The following KPNA1 variants were observed in gnomAD, a reference collection of about 807,000 sequenced individuals.
KPNA1 encodes the protein importin subunit alpha-5.
In KPNA1, 10 loss-of-function variants were observed where a neutral mutation model predicts 70.5. The ratio of observed to expected loss-of-function variants is 0.14; its 90% CI spans 0.09 to 0.24. The LOEUF is 0.24. Among genes scored for constraint, KPNA1 ranks in the 10% least tolerant of loss-of-function variants. The pLI, the probability that KPNA1 is intolerant of heterozygous loss-of-function variation, is 1.00. For synonymous variants in KPNA1, 192 were observed against 221.9 expected, an observed-to-expected ratio of 0.87 and a Z score of 1.20; for missense variants, 397 against 637.9, an observed-to-expected ratio of 0.62 and a Z score of 4.07.
chr3:122,423,957 TGAAA>T lies in KPNA1; in HGVS notation c.*3024_*3027del, dbSNP rs2107709570. 6.6e-6 allele frequency: 1 copy of T among 152,304 alleles called. No individual in the cohort carries two copies. The highest frequency in any genetic ancestry group is 2.4e-5 in the African/African-American group (1 of 41,580). 9.4% of individuals were successfully genotyped at this position (152,304 alleles called of 1,614,324 possible). On this transcript the variant is annotated 3_prime_UTR_variant, in exon 14 of 14. Transcript: ENST00000344337. Reference sequence around the variant, plus strand: ...TCTTGATCAATTAGTTACAGGAACATGAAAGAAAGTGTTCCACAGAGAACTGTGT... The same window carrying T: ...TCTTGATCAATTAGTTACAGGAACATGAAAGTGTTCCACAGAGAACTGTGT...
At chr3:122,452,549 G>A (rs2076215412) in intron 6 of KPNA1, among the ~76,000 whole-genome samples, 4 of 20,112 alleles carry the variant, frequency 2.0e-4, no homozygotes, top group East Asian at 2.0e-3. Flanking sequence ...AGGGAAGGAG[G>A]GAGGGAGGGA....
intron 1 of KPNA1, among the ~76,000 whole-genome samples, chr3:122,510,814 A>G (rs868307536): frequency 6.6e-6 from 1 of 152,222 alleles, no homozygotes; most frequent in Non-Finnish European, 1.5e-5. Flanking sequence ...TGGGACAGGG[A>G]ACAGCTGCTT....
At chr3:122,485,191 G>A (rs1425297202) in intron 2 of KPNA1, among the ~76,000 whole-genome samples, 1 of 152,096 alleles carries the variant, frequency 6.6e-6, no homozygotes, top group African/African-American at 2.4e-5. Flanking sequence ...TGAGATTACA[G>A]GCATGAGTCA....
chr3:122,476,865 A>AAAAAAAAAAAAAC (rs2076504748), intron 2 of KPNA1, among the ~76,000 whole-genome samples: 1 of 147,794 alleles, frequency 6.8e-6, no homozygotes, highest in East Asian at 2.0e-4. Context: ...GTTCCACAAA[A>AAAAAAAAAAAAAC]AAAAAAAAAA....
intron 12 of KPNA1, among the ~76,000 whole-genome samples, chr3:122,431,340 A>AGAGGCAAGGTTTCTCCAT (rs2075904065): frequency 6.6e-6 from 1 of 152,018 alleles, no homozygotes; most frequent in Non-Finnish European, 1.5e-5. Context: ...TAATTTTTGT[A>AGAGGCAAGGTTTCTCCAT]GAGACAAGGT....
At chr3:122,444,648 A>G (rs1240455472) in intron 9 of KPNA1, among the ~76,000 whole-genome samples, 1 of 152,142 alleles carries the variant, frequency 6.6e-6, no homozygotes, top group Non-Finnish European at 1.5e-5. Flanking sequence ...GACACCTCAT[A>G]CAGGCGGGTG....
intron 8 of KPNA1, among the ~76,000 whole-genome samples, chr3:122,450,376 G>A (rs1232007591): frequency 6.6e-6 from 1 of 152,200 alleles, no homozygotes; most frequent in African/African-American, 2.4e-5. Context: ...GAGGTCTGGA[G>A]TTCAAGACCA....
At chr3:122,480,547 T>C (rs1176411745) in intron 2 of KPNA1, among the ~76,000 whole-genome samples, 1 of 151,186 alleles carries the variant, frequency 6.6e-6, no homozygotes, top group Admixed American at 6.6e-5. Context: ...TATAAGAAAA[T>C]GTTAAAGGAT....
At chr3:122,493,787 C>T (rs932921257) in intron 2 of KPNA1, among the ~76,000 whole-genome samples, 7 of 152,138 alleles carry the variant, frequency 4.6e-5, no homozygotes, top group African/African-American at 1.7e-4. Flanking sequence ...ATTTCACCAT[C>T]TTGGCCAGGC....
intron 1 of KPNA1, among the ~76,000 whole-genome samples, chr3:122,514,125 T>C (rs1041334617): frequency 1.5e-4 from 23 of 152,176 alleles, no homozygotes; most frequent in African/African-American, 5.3e-4. Flanking sequence ...CAGACCAAGT[T>C]CTGTCATTGC....
At chr3:122,456,314 C>T (rs1273080514) in intron 5 of KPNA1, among the ~76,000 whole-genome samples, 1 of 152,038 alleles carries the variant, frequency 6.6e-6, no homozygotes, top group Non-Finnish European at 1.5e-5. Context: ...AAACAGTCAT[C>T]AGATACTGCA....
chr3:122,463,347 CAAA>C (rs10575172), intron 4 of KPNA1, among the ~76,000 whole-genome samples: 172 of 135,998 alleles, frequency 1.3e-3, no homozygotes, highest in Admixed American at 1.6e-3. Flanking sequence ...GACTCCATCT[CAAA>C]AAAAAAAAAA....
At position 122,496,525 on chromosome 3, in the gene KPNA1, T is replaced by C; in HGVS notation, c.41A>G (p.Tyr14Cys). 1 of 1,614,030 alleles carries C rather than the reference T, an allele frequency of 6.2e-7. No homozygotes were observed. The highest frequency in any genetic ancestry group is 8.5e-7 in the Non-Finnish European group (1 of 1,179,858). The change falls in exon 2 of 14, where the codon TAC (tyrosine) becomes TGC (cysteine). Residue 14 changes from tyrosine (Y) to cysteine (C), a missense_variant. Coordinates refer to ENST00000344337, the MANE Select transcript of KPNA1 (RefSeq NM_002264.4). ...PGKENFRLKS[Y>C]KNKSLNPDEM... ...ATCGGGATTCAGAGATTTGTTCTTGTAACTTTTCAGGCGAAAGTTCTCTTT... is the reference window on the plus strand; with the variant it reads ...ATCGGGATTCAGAGATTTGTTCTTGCAACTTTTCAGGCGAAAGTTCTCTTT...
chr3:122,494,449 G>A (rs989069595), intron 2 of KPNA1, among the ~76,000 whole-genome samples: 1 of 152,052 alleles, frequency 6.6e-6, no homozygotes, highest in African/African-American at 2.4e-5. Context: ...TGACAGTATG[G>A]GGCTTTATTT....
intron 6 of KPNA1, among the ~76,000 whole-genome samples, chr3:122,452,576 A>AGGGAG (rs2076217200): frequency 5.1e-5 from 1 of 19,682 alleles, no homozygotes; most frequent in African/African-American, 3.5e-4. Flanking sequence ...GAAGGAGGGA[A>AGGGAG]GGAAGGAAGG....
rs190916218 is a variant in KPNA1, at chr3:122,502,204, C to T, written c.-5-5634G>A. ...GTTACACACTAAATACAAGATAGAGCTAGGATATGAACACAGGTCTCATTA... is the reference window on the plus strand; with the variant it reads ...GTTACACACTAAATACAAGATAGAGTTAGGATATGAACACAGGTCTCATTA... On this transcript the variant is annotated intron_variant, in intron 1 of 13. Coordinates refer to ENST00000344337, the MANE Select transcript of KPNA1 (RefSeq NM_002264.4). 2.6e-3 allele frequency among the ~76,000 whole-genome samples: 393 copies of T among 152,226 alleles called. 5 individuals carry two copies. The highest frequency in any genetic ancestry group is 1.3e-3 in the East Asian group (7 of 5,186).
chr3:122,452,348 A>G (rs1375607340), intron 6 of KPNA1, among the ~76,000 whole-genome samples: 1 of 151,636 alleles, frequency 6.6e-6, no homozygotes, highest in African/African-American at 2.4e-5. Flanking sequence ...CATCTCTACT[A>G]AAAATACAAA....
intron 9 of KPNA1, among the ~76,000 whole-genome samples, chr3:122,446,504 CTG>C (rs2076140346): frequency 6.6e-6 from 1 of 152,228 alleles, no homozygotes; most frequent in Non-Finnish European, 1.5e-5. Context: ...ACCAGAATCT[CTG>C]GGACACATTT....
Position 122,453,891 on chromosome 3 carries a change from C to T in KPNA1, c.543G>A (p.Glu181=), listed in dbSNP as rs1409708372. The part of the protein sequence containing the change: ...VPIFIELLSS[E]FEDVQEQAVW... ...TTACCTGTTCCTGGACATCTTCAAACTCTGAGCTGAGCAACTCTATGAAGA... is the reference window on the plus strand; with the variant it reads ...TTACCTGTTCCTGGACATCTTCAAATTCTGAGCTGAGCAACTCTATGAAGA... The change falls in exon 6 of 14, where the codon GAG becomes GAA. Residue 181 remains glutamate (E), a synonymous_variant. Transcript: ENST00000344337. 2.5e-6 allele frequency: 4 copies of T among 1,608,866 alleles called. No individual in the cohort carries two copies. The highest frequency in any genetic ancestry group is 2.2e-5 in the East Asian group (1 of 44,764).
Sources: allele counts gnomAD v4.1 joint callset (sites outside exome capture counted in the v4.1 genomes callset), GRCh38; gene constraint gnomAD v4.1.1; transcripts MANE v1.5; gene names NCBI Gene and HGNC (gene_info 2026-07-23, HGNC 2026-07-21).